The following IRAG2 variants were observed in gnomAD, a reference collection of about 807,000 sequenced individuals.
IRAG2 encodes inositol 1,4,5-triphosphate receptor associated 2, also known as lymphoid restricted membrane protein.
IRAG2 carries 45 observed loss-of-function variants against 69.9 expected under a neutral mutation model. That is an observed-to-expected ratio of 0.64 (90% confidence interval 0.51 to 0.83). IRAG2 has a LOEUF of 0.83. IRAG2 is among the 40% of genes least tolerant of loss of function. IRAG2 has a pLI of 0.00. For synonymous variants in IRAG2, 193 were observed against 202.4 expected (o/e 0.95, Z 0.40); for missense variants, 520 against 587.0 (o/e 0.89, Z 1.18).
intron 20 of IRAG2, among the ~76,000 whole-genome samples, chr12:25,105,829 T>G (rs1396316758): frequency 6.6e-6 from 1 of 152,216 alleles, no homozygotes; most frequent in Non-Finnish European, 1.5e-5. Context: ...CTATCATATT[T>G]ATTTCCCATA....
chr12:25,048,893 T>G (rs1237518189), upstream of IRAG2, among the ~76,000 whole-genome samples: 2 of 152,242 alleles, frequency 1.3e-5, no homozygotes, highest in Admixed American at 1.3e-4. Context: ...TTTATAGTTT[T>G]GGGTTTTACA....
At chr12:25,097,171 T>C (rs1365540165) in intron 15 of IRAG2, 127 bp downstream of exon 15, 27 of 801,378 alleles carry the variant, frequency 3.4e-5, no homozygotes, top group Non-Finnish European at 5.0e-5. Flanking sequence ...GACATATGCG[T>C]TTAATACATA....
intron 6 of IRAG2, among the ~76,000 whole-genome samples, chr12:25,078,683 A>G (rs1946986516): frequency 6.6e-6 from 1 of 152,246 alleles, no homozygotes; most frequent in African/African-American, 2.4e-5. Context: ...GAAACTTTCA[A>G]ACACTTGCCC....
At chr12:25,048,926 G>A (rs2139870553), upstream of IRAG2, among the ~76,000 whole-genome samples, 1 of 152,218 alleles carries the variant, frequency 6.6e-6, no homozygotes, top group South Asian at 2.1e-4. Flanking sequence ...TCTATATTGA[G>A]TTAATTTTTG....
In IRAG2 at chr12:25,108,008, A is replaced by T. The variant is rs748286354; in HGVS notation, c.1448A>T (p.His483Leu). ...GAGGACTCATGGACGTCTCTAGAAC[A>T]TATCTTGTGGCCATTTACCAGACTC... is the stretch of plus-strand genomic sequence containing the variant. ...QQEDSWTSLE[H>L]ILWPFTRLRH... Residue 483 changes from histidine (H) to leucine (L), a missense_variant, in exon 22 of 22, where the codon CAT (histidine) becomes CTT (leucine). Physicochemically the swap from His to Leu is moderately conservative, Grantham distance 99. Coordinates refer to ENST00000556887, the MANE Select transcript of IRAG2 (RefSeq NM_001366544.2). The T allele has an allele frequency of 6.2e-7, 1 of 1,613,860 alleles. No individual in the cohort carries two copies. The highest frequency in any genetic ancestry group is 8.5e-7 in the Non-Finnish European group (1 of 1,179,754).
chr12:25,016,771 A>G lies in IRAG2; in HGVS notation c.1056-363A>G, dbSNP rs564124360. Among the ~76,000 whole-genome samples, 9 of 152,190 alleles carry G rather than the reference A, an allele frequency of 5.9e-5. No individual in the cohort carries two copies. In the East Asian group the frequency reaches 1.5e-3, roughly 26 times the overall value. ...TCAAAAAATGAAAAAAAAAAAAAGA[A>G]TATTGTGTCCATTTATTTCAGGATC... On this transcript the variant is annotated intron_variant, in intron 5 of 38. Coordinates refer to the IRAG2 transcript ENST00000636465.
Position 25,099,205 on chromosome 12 carries a change from T to A in IRAG2, c.742-1973T>A, listed in dbSNP as rs145537148. 1.5e-3 allele frequency among the ~76,000 whole-genome samples: 235 copies of A among 152,272 alleles called. 3 individuals are homozygous for A. Among genetic ancestry groups the A allele is most frequent in the Admixed American group, 0.014 (217 of 15,300 alleles). On this transcript the variant is annotated intron_variant, in intron 15 of 21. Transcript: ENST00000556887. ...CAGAGCAGAGTATGCTACTGCTGAC[T>A]CAACAGTTCCACTTGGATGTTTGAT...
intron 9 of IRAG2, among the ~76,000 whole-genome samples, chr12:25,027,259 T>C (rs1482107285): frequency 6.6e-6 from 1 of 152,216 alleles, no homozygotes; most frequent in African/African-American, 2.4e-5. Context: ...TGTCTGTCTC[T>C]ATAGATTTGT....
intron 3 of IRAG2, among the ~76,000 whole-genome samples, chr12:25,014,772 C>T (rs992794883): frequency 2.0e-5 from 3 of 151,760 alleles, no homozygotes; most frequent in African/African-American, 7.3e-5. Flanking sequence ...TCTTAAGCCC[C>T]ATGATCTTGC....
At chr12:25,067,997 T>G (rs1006531485) in intron 5 of IRAG2, among the ~76,000 whole-genome samples, 1 of 152,136 alleles carries the variant, frequency 6.6e-6, no homozygotes, top group Admixed American at 6.5e-5. Flanking sequence ...CTTGCCACCA[T>G]GCCCAGCTGA....
At chr12:25,033,651 C>T in intron 12 of IRAG2, 1 of 375,050 alleles carries the variant, frequency 2.7e-6, no homozygotes. Context: ...GGTGTATGAC[C>T]TCCTAGACTC....
At chr12:25,039,957 G>A (rs1944734522) in intron 16 of IRAG2, among the ~76,000 whole-genome samples, 1 of 152,120 alleles carries the variant, frequency 6.6e-6, no homozygotes, top group Admixed American at 6.5e-5. Flanking sequence ...TACCCAGCTG[G>A]GATTAAGTGA....
chr12:25,027,398 C>CT (rs527395400), intron 9 of IRAG2, among the ~76,000 whole-genome samples: 2,479 of 128,454 alleles, frequency 0.019, 70 homozygotes, highest in African/African-American at 0.059. Context: ...CTTTTTTTTT[C>CT]TTTTTTTTTT....
chr12:25,090,420 C>CTGTAGTCCCA (rs1947960320), intron 14 of IRAG2, among the ~76,000 whole-genome samples: 1 of 151,284 alleles, frequency 6.6e-6, no homozygotes, highest in Non-Finnish European at 1.5e-5. Flanking sequence ...TGATGTGTGC[C>CTGTAGTCCCA]TGTAGTCCCA....
At chr12:25,060,539 G>C (rs1381403210) in intron 1 of IRAG2, among the ~76,000 whole-genome samples, 1 of 151,922 alleles carries the variant, frequency 6.6e-6, no homozygotes, top group Non-Finnish European at 1.5e-5. Context: ...GTGTTCTCAT[G>C]ATCTGAGATC....
chr12:25,076,756 T>C (rs1946713118), intron 6 of IRAG2: 2 of 264,480 alleles, frequency 7.6e-6, no homozygotes, highest in Non-Finnish European at 1.2e-5. Context: ...TAGGATATTA[T>C]ACTTTATTAT....
At chr12:25,026,074 A>G (rs770980626) in intron 8 of IRAG2, among the ~76,000 whole-genome samples, 9 of 152,206 alleles carry the variant, frequency 5.9e-5, no homozygotes, top group Non-Finnish European at 2.9e-5. Flanking sequence ...CTGAATGGGC[A>G]CAGCTGTGCT....
chr12:25,071,572 T>G (rs759869619), intron 6 of IRAG2, among the ~76,000 whole-genome samples: 1 of 152,176 alleles, frequency 6.6e-6, no homozygotes, highest in Non-Finnish European at 1.5e-5. Context: ...ACATGCCATG[T>G]GATTAATCTG....
chr12:25,002,156 T>A (rs1944396376), upstream of IRAG2, among the ~76,000 whole-genome samples: 1 of 152,180 alleles, frequency 6.6e-6, no homozygotes, highest in Non-Finnish European at 1.5e-5. Flanking sequence ...TGCTTTGTGT[T>A]CAAGGGTGAA....
Sources: gnomAD v4.1 joint callset for allele counts (sites outside exome capture counted in the v4.1 genomes callset) on GRCh38, gnomAD v4.1.1 for gene constraint, MANE v1.5 for transcripts, NCBI Gene and HGNC (gene_info 2026-07-23, HGNC 2026-07-21) for gene names.